HPS4: variants seen among roughly 807,000 people sequenced by gnomAD.
HPS4 encodes the protein BLOC-3 complex member HPS4.
HPS4 carries 44 observed loss-of-function variants against 70.3 expected under a neutral mutation model. The ratio of observed to expected loss-of-function variants is 0.63; its 90% CI spans 0.49 to 0.80. The LOEUF (loss-of-function observed/expected upper bound fraction) is 0.80. HPS4 is among the 30% of genes least tolerant of loss of function. The probability of loss-of-function intolerance (pLI) is 0.00; values close to 1 mark genes in which losing one functional copy is unlikely to be tolerated. For synonymous variants in HPS4, 377 were observed against 355.9 expected (o/e 1.06, Z -0.67); for missense variants, 873 against 884.4 (o/e 0.99, Z 0.16).
chr22:26,477,565 T>C (rs2090722507), intron 3 of HPS4, among the ~76,000 whole-genome samples: 1 of 152,138 alleles, frequency 6.6e-6, no homozygotes. Context: ...CAACTATCCA[T>C]GTCAGAGCAC....
At chr22:26,470,363 C>T (rs973574302) in intron 7 of HPS4, among the ~76,000 whole-genome samples, 1 of 152,250 alleles carries the variant, frequency 6.6e-6, no homozygotes, top group Admixed American at 6.5e-5. Flanking sequence ...GGAGGAGGGT[C>T]ACAGCAGGCC....
rs1191333918 is a variant in HPS4 at position 26,463,933 on chromosome 22, G to A, written c.1697C>T (p.Ala566Val). The A allele has an allele frequency of 6.2e-7, 1 of 1,613,472 alleles. No homozygotes were observed. Among genetic ancestry groups the A allele is most frequent in the Non-Finnish European group, 8.5e-7 (1 of 1,180,022 alleles). The change falls in exon 11 of 14, where the codon GCA (alanine) becomes GTA (valine). Residue 566 changes from alanine to valine, a missense_variant. Ala to Val is a moderately conservative substitution (Grantham distance 64). Transcript: ENST00000398145. ...LAEEPLLGDS[A>V]AIEEVYHSSL... ...GACACTCACCACTTCCTCTATGGCT[G>A]CGCTGTCTCCCAGCAGCGGCTCCTC...
chr22:26,478,298 C>G (rs1444860967), intron 3 of HPS4, among the ~76,000 whole-genome samples: 1 of 151,914 alleles, frequency 6.6e-6, no homozygotes, highest in African/African-American at 2.4e-5. Context: ...TATTGCCGGG[C>G]GTGGTGGCTC....
At chr22:26,459,195 C>T (rs1481460340) in intron 11 of HPS4, among the ~76,000 whole-genome samples, 1 of 152,204 alleles carries the variant, frequency 6.6e-6, no homozygotes, top group Non-Finnish European at 1.5e-5. Context: ...TAGCACGGTC[C>T]TGGCTTTCTT....
downstream of HPS4, among the ~76,000 whole-genome samples, chr22:26,449,580 C>T (rs1425103495): frequency 6.6e-6 from 1 of 152,078 alleles, no homozygotes. Context: ...ATCCACCCGC[C>T]TCGGCCTCCC....
At position 26,470,778 on chromosome 22, in the gene HPS4, A is replaced by G. The variant is rs767173486; in HGVS notation, c.537T>C (p.Ile179=). 6.2e-7 allele frequency: 1 copy of G among 1,614,112 alleles called. No homozygotes were observed. Among genetic ancestry groups the G allele is most frequent in the East Asian group, 2.2e-5 (1 of 44,898 alleles). Reference sequence around the variant, plus strand: ...GAGGCGAGCGCTGGCAGGTCTGCAGAATGCGGGCTGCCTTCAGCAACAACA... The same window carrying G: ...GAGGCGAGCGCTGGCAGGTCTGCAGGATGCGGGCTGCCTTCAGCAACAACA... The part of the protein sequence containing the change: ...EPLLLLKAAR[I]LQTCQRSPHI... The change falls in exon 7 of 14, where the codon ATT becomes ATC. Residue 179 remains isoleucine, a synonymous_variant. Transcript: ENST00000398145.
chr22:26,452,522 T>A lies in HPS4; in HGVS notation c.*711A>T. ...CAAAGGCAGCGCAGGTTGGTCCTGT[T>A]GTCACTGAATTCTCAGGGCTCAGCC... is the stretch of plus-strand genomic sequence containing the variant. On this transcript the variant is annotated 3_prime_UTR_variant, in exon 14 of 14. Transcript: ENST00000398145. 2.8e-6 allele frequency: 1 copy of A among 355,682 alleles called. No homozygotes were observed. The highest frequency in any genetic ancestry group is 5.5e-6 in the Non-Finnish European group (1 of 181,888). The allele number at this position is 355,682 out of a possible 1,614,324, so 22.0% of individuals were successfully genotyped here.
intron 13 of HPS4, 60 bp from the exon 14 acceptor site, chr22:26,453,464 CAGAG>C: frequency 6.4e-7 from 1 of 1,572,328 alleles, no homozygotes; most frequent in Non-Finnish European, 8.7e-7. Context: ...TCAGACCACA[CAGAG>C]ACCTCAGTAA....
chr22:26,455,514 T>C (rs1318663249), intron 13 of HPS4, among the ~76,000 whole-genome samples: 4 of 140,812 alleles, frequency 2.8e-5, no homozygotes, highest in Admixed American at 1.5e-4. Flanking sequence ...TTCTCACTCA[T>C]AGGTGGGAAT....
At chr22:26,444,075 T>C (rs973117163), downstream of HPS4, 3 of 152,202 alleles carry the variant, frequency 2.0e-5, no homozygotes. Flanking sequence ...TCCACAGTGA[T>C]GAACGTTAAG....
Position 26,470,930 on chromosome 22 carries a change from A to C in HPS4, c.502-117T>G, listed in dbSNP as rs1455487951. 4 of 1,551,576 alleles carry C rather than the reference A, an allele frequency of 2.6e-6. No individual in the cohort carries two copies. The African/African-American group carries it at 5.5e-5, about 21-fold the overall frequency. ...CAGGGTGTAGCTCAAAGCCTGGAAA[A>C]GGAGAATGTGTCACACAGTGAAAGC... On this transcript the variant is annotated intron_variant, in intron 6 of 13. Transcript: ENST00000398145.
intron 4 of HPS4, among the ~76,000 whole-genome samples, chr22:26,474,839 A>G (rs1170501445): frequency 1.3e-5 from 2 of 152,368 alleles, no homozygotes; most frequent in African/African-American, 4.8e-5. Context: ...CCTCACTATC[A>G]TTAGTCATCA....
chr22:26,482,506 C>A (rs922050783), intron 1 of HPS4, among the ~76,000 whole-genome samples: 2 of 152,172 alleles, frequency 1.3e-5, no homozygotes, highest in African/African-American at 4.8e-5. Flanking sequence ...TACAAATAAA[C>A]CAGTTGCTGT....
chr22:26,482,506 C>T (rs922050783), intron 1 of HPS4, among the ~76,000 whole-genome samples: 1 of 152,172 alleles, frequency 6.6e-6, no homozygotes, highest in African/African-American at 2.4e-5. Flanking sequence ...TACAAATAAA[C>T]CAGTTGCTGT....
Position 26,464,635 on chromosome 22 carries a change from T to A in HPS4, c.995A>T (p.Asp332Val). 4 of 1,613,818 alleles carry A rather than the reference T, an allele frequency of 2.5e-6. No homozygotes were observed. The highest frequency in any genetic ancestry group is 3.4e-6 in the Non-Finnish European group (4 of 1,179,686). The change falls in exon 11 of 14, where the codon GAT becomes GTT. Residue 332 changes from aspartate (D) to valine (V), a missense_variant. By Grantham distance (152) the Asp-to-Val change is radical. Coordinates refer to ENST00000398145, the MANE Select transcript of HPS4 (RefSeq NM_022081.6). ...TCCTGCGGGCCTGATGCTCTCCAGA[T>A]CATGGCCAGACAAGCATCCGTTCTC... ...RKENGCLSGHDLESIRPAGLH... is the reference protein window; with the variant it reads ...RKENGCLSGHVLESIRPAGLH...
chr22:26,447,735 G>C (rs2146166733), downstream of HPS4, among the ~76,000 whole-genome samples: 1 of 152,204 alleles, frequency 6.6e-6, no homozygotes, highest in Non-Finnish European at 1.5e-5. Flanking sequence ...ACAGATGGCA[G>C]GGAAAACACT....
chr22:26,477,314 T>C (rs1022289636), intron 3 of HPS4, among the ~76,000 whole-genome samples, 178 bp from the exon 4 acceptor site: 4 of 152,214 alleles, frequency 2.6e-5, no homozygotes, highest in East Asian at 1.9e-4. Context: ...GAACATGTGA[T>C]TGAAACCTTA....
rs3747137 is a variant in HPS4 at position 26,483,725 on chromosome 22, T to C, written c.-530A>G. 56,176 of 435,118 alleles carry C rather than the reference T, an allele frequency of 0.13. 4,311 individuals are homozygous for C. The highest frequency in any genetic ancestry group is 0.16 in the Non-Finnish European group (41,848 of 258,566). 27.0% of individuals were successfully genotyped at this position (435,118 alleles called of 1,614,324 possible). ...GGGGTTCGGGACTCTGGACCAGAAATGTGGGCAGCAGCTGGGTACCTGCGA... is the reference window on the plus strand; with the variant it reads ...GGGGTTCGGGACTCTGGACCAGAAACGTGGGCAGCAGCTGGGTACCTGCGA... On this transcript the variant is annotated 5_prime_UTR_variant, in exon 1 of 14. Coordinates refer to ENST00000398145, the MANE Select transcript of HPS4 (RefSeq NM_022081.6).
chr22:26,444,219 T>C (rs1385754883), downstream of HPS4: 1 of 149,740 alleles, frequency 6.7e-6, no homozygotes, highest in Non-Finnish European at 1.5e-5. Flanking sequence ...TGGAGTTCTG[T>C]TGCCTATGTT....
Sources: allele counts gnomAD v4.1 joint callset (sites outside exome capture counted in the v4.1 genomes callset), GRCh38; gene constraint gnomAD v4.1.1; transcripts MANE v1.5; gene names NCBI Gene and HGNC (gene_info 2026-07-23, HGNC 2026-07-21).